DCDC2: variants seen among roughly 807,000 people sequenced by gnomAD.
DCDC2 encodes doublecortin domain containing 2, also known as doublecortin domain-containing protein 2.
Under a neutral mutation model 50.2 loss-of-function variants are expected in DCDC2, and 40 were observed. The ratio of observed to expected loss-of-function variants is 0.80; its 90% CI spans 0.62 to 1.04. DCDC2 has a LOEUF of 1.04. Ranked by LOEUF, DCDC2 falls within the 50% of genes least tolerant of loss-of-function variation. The pLI, the probability that DCDC2 is intolerant of heterozygous loss-of-function variation, is 0.00. For missense variants in DCDC2, 570 were observed against 581.9 expected, an observed-to-expected ratio of 0.98 and a Z score of 0.21; for synonymous variants, 234 against 210.6, an observed-to-expected ratio of 1.11 and a Z score of -0.96.
intron 2 of DCDC2, among the ~76,000 whole-genome samples, chr6:24,311,729 C>T (rs187094810): frequency 6.6e-6 from 1 of 152,204 alleles, no homozygotes; most frequent in African/African-American, 2.4e-5. Flanking sequence ...AGCAAAGAAG[C>T]AGTCACATGA....
intron 2 of DCDC2, chr6:24,353,226 G>A: frequency 2.1e-6 from 1 of 466,140 alleles, no homozygotes; most frequent in Admixed American, 2.4e-5. Context: ...ATTAGGATGA[G>A]GATGTAGCTT....
At chr6:24,237,715 T>C (rs926150339) in intron 7 of DCDC2, among the ~76,000 whole-genome samples, 2 of 152,158 alleles carry the variant, frequency 1.3e-5, no homozygotes, top group Admixed American at 1.3e-4. Context: ...GTAGTACATA[T>C]AACCCCTGGA....
chr6:24,232,797 G>T (rs1762364561), intron 7 of DCDC2, among the ~76,000 whole-genome samples: 1 of 151,952 alleles, frequency 6.6e-6, no homozygotes, highest in African/African-American at 2.4e-5. Context: ...AATGGATAAA[G>T]GTGAGTGAAT....
chr6:24,234,633 A>G (rs1762406488), intron 7 of DCDC2, among the ~76,000 whole-genome samples: 1 of 152,214 alleles, frequency 6.6e-6, no homozygotes. Flanking sequence ...GGACTTGATG[A>G]AAAATTGTGA....
chr6:24,226,578 CTG>C (rs1268770755), intron 7 of DCDC2, among the ~76,000 whole-genome samples: 1 of 152,192 alleles, frequency 6.6e-6, no homozygotes, highest in African/African-American at 2.4e-5. Flanking sequence ...GTGATCCTAT[CTG>C]TGTTTCAGAA....
At position 24,352,801 on chromosome 6, in the gene DCDC2, A is replaced by G. The variant is rs373777570; in HGVS notation, c.348+768T>C. ...TCATTGGCAGCACTTACCCATTGGA[A>G]GCACTTGTTTATTTGGGGTCTGAAT... On this transcript the variant is annotated intron_variant, in intron 2 of 9. Transcript: ENST00000378454. 7.2e-5 allele frequency among the ~76,000 whole-genome samples: 11 copies of G among 152,262 alleles called. 1 individual carries two copies. Among genetic ancestry groups the G allele is most frequent in the African/African-American group, 2.6e-4 (11 of 41,558 alleles).
chr6:24,220,879 A>AGAGCGAGAGAGCGAGCGAGTGAGCGAGC lies in DCDC2; in HGVS notation c.923-15778_923-15777insGCTCGCTCACTCGCTCGCTCTCTCGCTC. On this transcript the variant is annotated intron_variant, in intron 7 of 9. Coordinates refer to ENST00000378454, the MANE Select transcript of DCDC2 (RefSeq NM_016356.5). ...GAGAGAGACAGAGAGCAAGAGAGCG[A>AGAGCGAGAGAGCGAGCGAGTGAGCGAGC]GAGCGAGAGAGTGAGCGAGCGAGCG... 5.4e-3 allele frequency among the ~76,000 whole-genome samples: 580 copies of AGAGCGAGAGAGCGAGCGAGTGAGCGAGC among 106,984 alleles called. 30 individuals carry two copies. Among genetic ancestry groups the AGAGCGAGAGAGCGAGCGAGTGAGCGAGC allele is most frequent in the African/African-American group, 0.022 (467 of 21,700 alleles). The allele number at this position is 106,984 out of a possible 152,430, so 70.2% of individuals were successfully genotyped here. A position where few individuals can be genotyped will look rare whatever the true frequency, so the allele number is the denominator to read the frequency against.
chr6:24,335,282 A>G (rs1385913974), intron 2 of DCDC2, among the ~76,000 whole-genome samples: 1 of 152,194 alleles, frequency 6.6e-6, no homozygotes, highest in Non-Finnish European at 1.5e-5. Flanking sequence ...CCCTGTGAGA[A>G]GTGAGATAGG....
intron 7 of DCDC2, among the ~76,000 whole-genome samples, chr6:24,274,501 T>C (rs1367255207): frequency 3.3e-5 from 5 of 150,472 alleles, no homozygotes; most frequent in Non-Finnish European, 7.4e-5. Context: ...CAATCCTACT[T>C]TGCATCTTGG....
At chr6:24,241,062 T>C (rs1325007620) in intron 7 of DCDC2, among the ~76,000 whole-genome samples, 2 of 152,214 alleles carry the variant, frequency 1.3e-5, no homozygotes, top group African/African-American at 4.8e-5. Context: ...TGTCATTCCC[T>C]GCAGTAGAAT....
At chr6:24,313,297 C>A (rs1759604087) in intron 2 of DCDC2, among the ~76,000 whole-genome samples, 1 of 151,974 alleles carries the variant, frequency 6.6e-6, no homozygotes. Flanking sequence ...AATAATATGG[C>A]CCCCATAAAG....
intron 7 of DCDC2, among the ~76,000 whole-genome samples, chr6:24,248,271 C>T (rs1030143547): frequency 2.0e-5 from 3 of 152,236 alleles, no homozygotes; most frequent in East Asian, 1.9e-4. Flanking sequence ...GGACACCATA[C>T]GGTGCAGTGC....
intron 7 of DCDC2, among the ~76,000 whole-genome samples, chr6:24,254,194 T>C (rs1264262990): frequency 6.6e-6 from 1 of 152,166 alleles, no homozygotes; most frequent in Non-Finnish European, 1.5e-5. Flanking sequence ...CCTATGATAA[T>C]AATGCCCTCT....
Position 24,357,918 on chromosome 6 carries a change from C to G in DCDC2, c.-168G>C, listed in dbSNP as rs559830940. On this transcript the variant is annotated 5_prime_UTR_variant, in exon 1 of 10. Transcript: ENST00000378454. ...AACGGCCGTGCGCCTAGGCGTCCAC[C>G]CAGAGGAGACACTAGGAGCTTGCAG... is the stretch of plus-strand genomic sequence containing the variant. 1.3e-6 allele frequency: 2 copies of G among 1,525,062 alleles called. No individual in the cohort carries two copies. The highest frequency in any genetic ancestry group is 1.4e-5 in the African/African-American group (1 of 72,048). The allele number at this position is 1,525,062 out of a possible 1,614,324, so 94.5% of individuals were successfully genotyped here.
At chr6:24,369,808 G>C in the DCDC2 span, among the ~76,000 whole-genome samples, 1 of 152,176 alleles carries the variant, frequency 6.6e-6, no homozygotes, top group African/African-American at 2.4e-5. Context: ...GGGAGGCTGA[G>C]GTGGGAAGAT....
At chr6:24,322,543 C>G (rs1396797882) in intron 2 of DCDC2, among the ~76,000 whole-genome samples, 2 of 145,894 alleles carry the variant, frequency 1.4e-5, no homozygotes, top group East Asian at 2.0e-4. Flanking sequence ...AGCCAGGTAC[C>G]CTTTTAAGTC....
In DCDC2 at chr6:24,278,049, C is replaced by T; in HGVS notation, c.922G>A (p.Asp308Asn). Reference sequence around the variant, plus strand: ...CTTAAGATAATAATAACACACTTACCACTATTTGGAATGGTTTCTTGTGAA... The same window carrying T: ...CTTAAGATAATAATAACACACTTACTACTATTTGGAATGGTTTCTTGTGAA... ...KNSQETIPNS[D>N]EGIFKAGAER... is the part of the protein sequence containing the mutation. The change falls in exon 7 of 10, where the codon GAT (aspartate) becomes AAT (asparagine). Residue 308 changes from aspartate (D) to asparagine (N), a missense_variant and splice_region_variant. By Grantham distance (23) the Asp-to-Asn change is conservative. Transcript: ENST00000378454. The T allele has an allele frequency of 6.2e-7, 1 of 1,605,612 alleles. No individual in the cohort carries two copies. The highest frequency in any genetic ancestry group is 8.5e-7 in the Non-Finnish European group (1 of 1,174,386).
upstream of DCDC2, among the ~76,000 whole-genome samples, chr6:24,359,419 T>G (rs187652589): frequency 4.2e-3 from 212 of 50,908 alleles, 10 homozygotes; most frequent in East Asian, 0.018. Context: ...ATATTATATA[T>G]TATATATATT....
chr6:24,326,325 C>T (rs1156895694), intron 2 of DCDC2, among the ~76,000 whole-genome samples: 1 of 148,806 alleles, frequency 6.7e-6, no homozygotes, highest in Non-Finnish European at 1.5e-5. Context: ...AAAGAGTCTC[C>T]ATTTTTAGAA....
Sources: allele counts gnomAD v4.1 joint callset (sites outside exome capture counted in the v4.1 genomes callset), GRCh38; gene constraint gnomAD v4.1.1; transcripts MANE v1.5; gene names NCBI Gene and HGNC (gene_info 2026-07-23, HGNC 2026-07-21).